The following VCP variants were observed in gnomAD, a reference collection of about 807,000 sequenced individuals.
The protein encoded by VCP is transitional endoplasmic reticulum ATPase.
A neutral mutation model predicts 85.7 loss-of-function variants in VCP; 6 were observed. That is an observed-to-expected ratio of 0.07 (90% CI 0.04 to 0.14). The LOEUF (loss-of-function observed/expected upper bound fraction) is 0.14. VCP is among the 10% of genes least tolerant of loss of function. The probability of loss-of-function intolerance (pLI) is 1.00; values close to 1 mark genes in which losing one functional copy is unlikely to be tolerated. For synonymous variants in VCP, 384 were observed against 367.1 expected (o/e 1.05, Z -0.53); for missense variants, 353 against 1,043.4 (o/e 0.34, Z 9.12).
chr9:35,058,539 C>T lies in VCP; in HGVS notation c.2160+525G>A, dbSNP rs367575622. 3.3e-5 allele frequency among the ~76,000 whole-genome samples: 5 copies of T among 152,090 alleles called. No homozygotes were observed. In the South Asian group the frequency reaches 1.0e-3, roughly 32 times the overall value. On this transcript the variant is annotated intron_variant, in intron 15 of 16. Transcript: ENST00000358901. ...GCACTTTGGGAGGCCGAGGTGGGCA[C>T]ATCACAAGGTCAGGAGATCGAGACC...
Position 35,066,826 on chromosome 9 carries a change from G to A in VCP, c.303-9C>T. ...CAGGGCATGGCTGGATGCTGAGGAT[G>A]ACAAGCAGACTCCATATTACCAACC... On this transcript the variant is annotated splice_polypyrimidine_tract_variant and intron_variant, in intron 3 of 16. Coordinates refer to ENST00000358901, the MANE Select transcript of VCP (RefSeq NM_007126.5). The A allele has an allele frequency of 6.2e-7, 1 of 1,614,044 alleles. No homozygotes were observed. The highest frequency in any genetic ancestry group is 8.5e-7 in the Non-Finnish European group (1 of 1,180,042).
intron 3 of VCP, 34 bp from the exon 4 acceptor site, chr9:35,066,851 C>T: frequency 6.2e-7 from 1 of 1,613,540 alleles, no homozygotes; most frequent in Non-Finnish European, 8.5e-7. Context: ...TATTACCAAC[C>T]ACACTTCGGG....
rs1462791889 is a variant in VCP, at chr9:35,056,137, C to T, written c.*980G>A. ...AAAGGTGGACACAACTGTAAGTGAT[C>T]ACCAACCAGGGGATGTTTGGGATTT... On this transcript the variant is annotated 3_prime_UTR_variant, in exon 17 of 17. Coordinates refer to ENST00000358901, the MANE Select transcript of VCP (RefSeq NM_007126.5). 1 of 151,206 alleles carries T rather than the reference C, an allele frequency of 6.6e-6. No homozygotes were observed. 9.4% of individuals were successfully genotyped at this position (151,206 alleles called of 1,614,324 possible).
At chr9:35,060,945 G>C in intron 11 of VCP, 22 bp from the exon 12 acceptor site, 1 of 1,614,200 alleles carries the variant, frequency 6.2e-7, no homozygotes. Flanking sequence ...GGGAAAACTG[G>C]GGATGAGACT....
Position 35,060,826 on chromosome 9 carries a change from T to C in VCP, c.1457A>G (p.Lys486Arg). ...CTGGACCAGCTCCTGTAGCTCACGT[T>C]TGACATCCTCTAGGCCCCCGATGTC... is the stretch of plus-strand genomic sequence containing the variant. ...WEDIGGLEDV[K>R]RELQELVQYP... The change falls in exon 12 of 17, where the codon AAA becomes AGA. Residue 486 changes from lysine (K) to arginine (R), a missense_variant. Physicochemically the swap from Lys to Arg is conservative, Grantham distance 26. Coordinates refer to ENST00000358901, the MANE Select transcript of VCP (RefSeq NM_007126.5). The C allele has an allele frequency of 6.2e-7, 1 of 1,614,196 alleles. No homozygotes were observed. The highest frequency in any genetic ancestry group is 8.5e-7 in the Non-Finnish European group (1 of 1,180,026).
At chr9:35,061,835 T>C (rs1828727039) in intron 9 of VCP, 146 bp from the exon 10 acceptor site, 1 of 1,443,974 alleles carries the variant, frequency 6.9e-7, no homozygotes, top group Non-Finnish European at 9.6e-7. Flanking sequence ...AACCTTTCAG[T>C]CTCAGGAAAA....
intron 1 of VCP, 56 bp downstream of exon 1, chr9:35,072,281 C>T: frequency 1.3e-6 from 2 of 1,485,186 alleles, no homozygotes; most frequent in Non-Finnish European, 1.8e-6. Context: ...GCCTACCCTG[C>T]GCGGCTGGTC....
chr9:35,064,436 A>G, intron 5 of VCP, 151 bp from the exon 6 acceptor site: 1 of 1,066,048 alleles, frequency 9.4e-7, no homozygotes, highest in East Asian at 2.6e-5. Context: ...CTGTAATCCC[A>G]GCACTTTGGG....
In VCP at chr9:35,059,377, A is replaced by G; in HGVS notation, c.2004+116T>C. ...TTATCTTGATATCCTCAAAAATTCT[A>G]CCTTCCCTTTAGACCAACCCTAACC... On this transcript the variant is annotated intron_variant, in intron 14 of 16. Transcript: ENST00000358901. This position sits in a 1 kb window ranked among gnomAD's most constrained non-coding sequence, Gnocchi z 4.9. The G allele has an allele frequency of 6.5e-7, 1 of 1,532,064 alleles. No individual in the cohort carries two copies. The highest frequency in any genetic ancestry group is 8.9e-7 in the Non-Finnish European group (1 of 1,129,206). 94.9% of individuals were successfully genotyped at this position (1,532,064 alleles called of 1,614,324 possible).
chr9:35,064,648 G>A (rs992826299), intron 5 of VCP, among the ~76,000 whole-genome samples: 10 of 152,160 alleles, frequency 6.6e-5, no homozygotes, highest in Non-Finnish European at 1.5e-4. Flanking sequence ...ACTGAGAAGG[G>A]GTCTCTAAAA....
intron 15 of VCP, among the ~76,000 whole-genome samples, chr9:35,058,665 G>A (rs910508713): frequency 3.3e-5 from 5 of 152,206 alleles, no homozygotes; most frequent in Admixed American, 6.5e-5. Context: ...TACTCGGGAG[G>A]CTGAGGCAGG....
intron 12 of VCP, 100 bp from the exon 13 acceptor site, chr9:35,060,625 T>A (rs1436434443): frequency 6.6e-6 from 10 of 1,510,398 alleles, no homozygotes; most frequent in Non-Finnish European, 9.2e-6. Flanking sequence ...GTGTACCCAA[T>A]GGTATCAGAT....
chr9:35,071,930 C>T lies in VCP; in HGVS notation c.17+407G>A, dbSNP rs531741062. On this transcript the variant is annotated intron_variant, in intron 1 of 16. Coordinates refer to ENST00000358901, the MANE Select transcript of VCP (RefSeq NM_007126.5). The stretch of plus-strand genomic sequence containing the variant: ...GCCTCGGGCTCGCGGGGCCTGCTCT[C>T]TCCGGGGACCAAAGGCTTTCGGCGG... 1.2e-5 allele frequency: 12 copies of T among 1,036,078 alleles called. No homozygotes were observed. The South Asian group carries it at 1.3e-4, about 11-fold the overall frequency. 64.2% of individuals were successfully genotyped at this position (1,036,078 alleles called of 1,614,324 possible).
intron 15 of VCP, 142 bp downstream of exon 15, chr9:35,058,922 T>C (rs1366443739): frequency 1.7e-6 from 2 of 1,153,360 alleles, no homozygotes; most frequent in African/African-American, 3.0e-5. Context: ...CACCTCAGCA[T>C]TCTTTATCTT....
chr9:35,072,233 T>A lies in VCP; in HGVS notation c.17+104A>T, dbSNP rs1201978685. On this transcript the variant is annotated intron_variant, in intron 1 of 16. Coordinates refer to ENST00000358901, the MANE Select transcript of VCP (RefSeq NM_007126.5). ...AGCTTCCCTTCCCTCTTTCCTGGTCTCCACCTCTCTGACGCGCCCACGGCC... is the reference window on the plus strand; with the variant it reads ...AGCTTCCCTTCCCTCTTTCCTGGTCACCACCTCTCTGACGCGCCCACGGCC... 13 of 1,460,432 alleles carry A rather than the reference T, an allele frequency of 8.9e-6. No individual in the cohort carries two copies. The East Asian group carries it at 3.2e-4, about 36-fold the overall frequency. The allele number at this position is 1,460,432 out of a possible 1,614,324, so 90.5% of individuals were successfully genotyped here.
chr9:35,064,202 C>T lies in VCP; in HGVS notation c.660G>A (p.Val220=). The change falls in exon 6 of 17, where the codon GTG becomes GTA. Residue 220 remains valine, a synonymous_variant. Coordinates refer to ENST00000358901, the MANE Select transcript of VCP (RefSeq NM_007126.5). ...RKQLAQIKEM[V]ELPLRHPALF... ...GGGCAGGATGTCTCAGGGGCAGTTC[C>T]ACCATCTCCTTTATCTGAGCTAGCT... 6 of 1,614,198 alleles carry T rather than the reference C, an allele frequency of 3.7e-6. No individual in the cohort carries two copies. Among genetic ancestry groups the T allele is most frequent in the Non-Finnish European group, 5.1e-6 (6 of 1,180,036 alleles).
At chr9:35,063,526 T>C in intron 6 of VCP, among the ~76,000 whole-genome samples, 1 of 152,242 alleles carries the variant, frequency 6.6e-6, no homozygotes, top group South Asian at 2.1e-4. Flanking sequence ...ACTGGAATGC[T>C]GTTCCTTACA....
At position 35,071,806 on chromosome 9, in the gene VCP, A is replaced by C. The variant is rs370000655; in HGVS notation, c.17+531T>G. 2.1e-4 allele frequency: 210 copies of C among 989,312 alleles called. 3 individuals are homozygous for C. The East Asian group carries it at 0.019, about 90-fold the overall frequency. The allele number at this position is 989,312 out of a possible 1,614,324, so 61.3% of individuals were successfully genotyped here. On this transcript the variant is annotated intron_variant, in intron 1 of 16. Coordinates refer to ENST00000358901, the MANE Select transcript of VCP (RefSeq NM_007126.5). ...AAAAAGGCGGCTGTGAGCTTCCCTG[A>C]GCTCGGCGGGCCTTCCCCGACCCCG...
Position 35,057,512 on chromosome 9 carries a change from G to A in VCP, c.2179C>T (p.Pro727Ser). The change falls in exon 16 of 17, where the codon CCA (proline) becomes TCA (serine). Residue 727 changes from proline to serine, a missense_variant. By Grantham distance (74) the Pro-to-Ser change is moderately conservative. Around this residue, in one of 8 missense-constraint regions of VCP, gnomAD observed 93 missense variants for 197.1 expected, o/e 0.47. Coordinates refer to ENST00000358901, the MANE Select transcript of VCP (RefSeq NM_007126.5). ...TGATCTCGACGGATCTCAGGCACTG[G>A]ATCATCCTCTTCTACCTCCTATAGT... ...PSAMEVEEDD[P>S]VPEIRRDHFE... is the part of the protein sequence containing the mutation. 6.2e-7 allele frequency: 1 copy of A among 1,611,672 alleles called. No individual in the cohort carries two copies. The highest frequency in any genetic ancestry group is 8.5e-7 in the Non-Finnish European group (1 of 1,180,032).
Sources: allele counts gnomAD v4.1 joint callset (sites outside exome capture counted in the v4.1 genomes callset), GRCh38; gene constraint gnomAD v4.1.1; regional missense constraint gnomAD v4.1.1; non-coding constraint Gnocchi (gnomAD v3.1); transcripts MANE v1.5; gene names NCBI Gene and HGNC (gene_info 2026-07-23, HGNC 2026-07-21).